Variants in AGAP4 observed in about 807,000 individuals in gnomAD.
AGAP4 encodes ArfGAP with GTPase domain, ankyrin repeat and PH domain 4, also known as arf-GAP with GTPase, ANK repeat and PH domain-containing protein 4.
AGAP4 carries 13 observed loss-of-function variants against 60.7 expected under a neutral mutation model. The ratio of observed to expected loss-of-function variants is 0.21; its 90% CI spans 0.14 to 0.34. The LOEUF (loss-of-function observed/expected upper bound fraction) is 0.34, where lower values mean the gene tolerates loss of function less well. AGAP4 is among the 10% of genes least tolerant of loss of function. AGAP4 has a pLI of 1.00. For synonymous variants in AGAP4, 70 were observed against 339.0 expected, an observed-to-expected ratio of 0.21 and a Z score of 8.72; for missense variants, 169 against 884.0, an observed-to-expected ratio of 0.19 and a Z score of 10.26.
chr10:45,834,447 G>A (rs1177829237), intron 4 of AGAP4, among the ~76,000 whole-genome samples: 17 of 138,966 alleles, frequency 1.2e-4, no homozygotes, highest in Non-Finnish European at 1.4e-4. Flanking sequence ...AGGTGGAGGC[G>A]GGCGGATCAC....
upstream of AGAP4, among the ~76,000 whole-genome samples, chr10:45,850,858 T>C (rs1159048618): frequency 1.3e-5 from 2 of 151,926 alleles, no homozygotes; most frequent in African/African-American, 2.4e-5. Context: ...AAAATGGAAC[T>C]CTCTGGTCAA....
At position 45,844,595 on chromosome 10, in the gene AGAP4, G is replaced by T; in HGVS notation, c.293-201C>A. On this transcript the variant is annotated intron_variant, in intron 2 of 7. Coordinates refer to ENST00000616763, the MANE Select transcript of AGAP4 (RefSeq NM_001276343.3). ...CCCAGCTACTCAGGAGGCTGAGATG[G>T]GAAAATCACTTGAACCCAGGTCAGG... The T allele has an allele frequency of 9.9e-6, 6 of 604,438 alleles. No individual in the cohort carries two copies. The South Asian group carries it at 1.6e-4, about 16-fold the overall frequency. 37.4% of individuals were successfully genotyped at this position (604,438 alleles called of 1,614,324 possible). A position where few individuals can be genotyped will look rare whatever the true frequency, so the allele number is the denominator to read the frequency against.
At chr10:45,851,003 C>T (rs2059076971), upstream of AGAP4, among the ~76,000 whole-genome samples, 1 of 151,940 alleles carries the variant, frequency 6.6e-6, no homozygotes, top group Non-Finnish European at 1.5e-5. Flanking sequence ...GCTAAAAAAT[C>T]ACCATTTTTC....
chr10:45,828,452 C>T lies in AGAP4; in HGVS notation c.534-372G>A, dbSNP rs1226426846. Among the ~76,000 whole-genome samples the T allele has an allele frequency of 4.8e-3, 719 of 148,888 alleles. 9 individuals carry two copies. Among genetic ancestry groups the T allele is most frequent in the African/African-American group, 0.017 (691 of 40,996 alleles). On this transcript the variant is annotated intron_variant, in intron 6 of 7. Coordinates refer to ENST00000616763, the MANE Select transcript of AGAP4 (RefSeq NM_001276343.3). ...TGTAAATGTGATTCAGATTTCCTAG[C>T]TTCCTTTCTCTTTAGTTCTCTGTAG...
chr10:45,838,793 A>T (rs1293887748), intron 4 of AGAP4, among the ~76,000 whole-genome samples: 2 of 151,808 alleles, frequency 1.3e-5, no homozygotes, highest in Non-Finnish European at 2.9e-5. Context: ...CCAGGCTAAA[A>T]ATGAACAAAT....
At chr10:45,829,862 A>C (rs1360108983) in intron 6 of AGAP4, among the ~76,000 whole-genome samples, 24 of 150,652 alleles carry the variant, frequency 1.6e-4, no homozygotes, top group African/African-American at 5.6e-4. Flanking sequence ...GGCGTGTTAA[A>C]GAAAGATTGG....
rs1554895970 is a variant in AGAP4, at chr10:45,825,617, G to A, written c.*298C>T. ...TGTACAAAAATCAATGCATATTTAT[G>A]AACTTTATTTCAAATATATTTTCAC... On this transcript the variant is annotated 3_prime_UTR_variant, in exon 8 of 8. Coordinates refer to ENST00000616763, the MANE Select transcript of AGAP4 (RefSeq NM_001276343.3). 2.1e-6 allele frequency: 1 copy of A among 467,766 alleles called. No individual in the cohort carries two copies. Among genetic ancestry groups the A allele is most frequent in the East Asian group, 4.5e-5 (1 of 22,186 alleles). 29.0% of individuals were successfully genotyped at this position (467,766 alleles called of 1,614,324 possible). A position where few individuals can be genotyped will look rare whatever the true frequency, so the allele number is the denominator to read the frequency against.
upstream of AGAP4, among the ~76,000 whole-genome samples, chr10:45,849,768 G>A (rs2059060083): frequency 1.3e-5 from 2 of 150,432 alleles, no homozygotes; most frequent in East Asian, 4.0e-4. Context: ...AGCCTCCCAA[G>A]TAGTTGGGAT....
In AGAP4 at chr10:45,853,347, A is replaced by G. The variant is rs1194283706; in HGVS notation, n.221+308T>C. ...CATTCTTGAGATATCTTAATGAATA[A>G]CATCTTCTACAGTCTTCCATTGTTT... On this transcript the variant is annotated intron_variant and non_coding_transcript_variant, in intron 1 of 9. Transcript: ENST00000430779. Among the ~76,000 whole-genome samples, 6 of 151,372 alleles carry G rather than the reference A, an allele frequency of 4.0e-5. No individual in the cohort carries two copies. In the East Asian group the frequency reaches 9.7e-4, roughly 25 times the overall value.
chr10:45,834,990 G>A (rs1470112802), intron 4 of AGAP4, among the ~76,000 whole-genome samples: 5 of 146,332 alleles, frequency 3.4e-5, no homozygotes, highest in Admixed American at 2.0e-4. Context: ...AGCCAGGATG[G>A]TCTCGATCTC....
At chr10:45,849,409 A>C (rs1488293029), upstream of AGAP4, among the ~76,000 whole-genome samples, 2 of 151,722 alleles carry the variant, frequency 1.3e-5, no homozygotes, top group African/African-American at 4.8e-5. Flanking sequence ...GCAAAACCAT[A>C]TCAGAAAGTA....
chr10:45,852,450 A>G (rs1458504452), upstream of AGAP4, among the ~76,000 whole-genome samples: 2 of 147,916 alleles, frequency 1.4e-5, no homozygotes, highest in Non-Finnish European at 3.0e-5. Flanking sequence ...TTTTCCCACA[A>G]AAAGTTAAAA....
chr10:45,838,370 A>G (rs2058858642), intron 4 of AGAP4, among the ~76,000 whole-genome samples: 1 of 151,914 alleles, frequency 6.6e-6, no homozygotes, highest in East Asian at 1.9e-4. Context: ...GGGTGCACCT[A>G]AATCTCACAA....
chr10:45,850,127 C>T (rs1318738701), upstream of AGAP4, among the ~76,000 whole-genome samples: 3 of 151,872 alleles, frequency 2.0e-5, no homozygotes, highest in Admixed American at 6.6e-5. Context: ...TGGGGTTTCA[C>T]CATGTTGCTC....
intron 3 of AGAP4, among the ~76,000 whole-genome samples, chr10:45,842,610 T>A (rs2058937353): frequency 1.3e-5 from 2 of 148,816 alleles, no homozygotes; most frequent in Admixed American, 6.6e-5. Context: ...CAAAAAATCA[T>A]TTTTTTTCCC....
rs1157940476 is a variant in AGAP4, at chr10:45,844,326, C to T, written c.361G>A (p.Val121Ile). 8.2e-6 allele frequency: 13 copies of T among 1,594,072 alleles called. 1 individual carries two copies. The highest frequency in any genetic ancestry group is 1.1e-5 in the Non-Finnish European group (13 of 1,179,632). ...TIFQRNSQTD[V>I]VEIRRSNCTN... ...GGTGGAAAAAACAATGTCGTCTCACCATCTGTTTGAGAGTTCCTCTGGAAT... is the reference window on the plus strand; with the variant it reads ...GGTGGAAAAAACAATGTCGTCTCACTATCTGTTTGAGAGTTCCTCTGGAAT... The change falls in exon 3 of 8, where the codon GTT becomes ATT. Residue 121 changes from valine (V) to isoleucine (I), a missense_variant and splice_region_variant. Transcript: ENST00000616763.
upstream of AGAP4, among the ~76,000 whole-genome samples, chr10:45,848,664 G>A (rs1326526280): frequency 0.41 from 61,744 of 150,912 alleles, 13,134 homozygotes; most frequent in South Asian, 0.65. Context: ...GAATTCCCCA[G>A]TTGCTTAAGC....
At chr10:45,846,278 C>T (rs1328695901) in intron 2 of AGAP4, among the ~76,000 whole-genome samples, 1 of 151,074 alleles carries the variant, frequency 6.6e-6, no homozygotes, top group Non-Finnish European at 1.5e-5. Flanking sequence ...TGACATTTCA[C>T]ACCTTTCACA....
At chr10:45,852,601 A>G (rs1356910332) in intron 1 of AGAP4, among the ~76,000 whole-genome samples, 1 of 151,752 alleles carries the variant, frequency 6.6e-6, no homozygotes, top group Non-Finnish European at 1.5e-5. Flanking sequence ...GCAAAGGGTC[A>G]TTTCAAAAAT....
Sources: allele counts gnomAD v4.1 joint callset (sites outside exome capture counted in the v4.1 genomes callset), GRCh38; gene constraint gnomAD v4.1.1; transcripts MANE v1.5; gene names NCBI Gene and HGNC (gene_info 2026-07-23, HGNC 2026-07-21).